GRM8: variants seen among roughly 807,000 people sequenced by gnomAD.
GRM8 encodes the protein metabotropic glutamate receptor 8.
GRM8 carries 47 observed loss-of-function variants against 87.2 expected under a neutral mutation model. The observed-to-expected ratio is 0.54, with a 90% CI of 0.43 to 0.69. The LOEUF (loss-of-function observed/expected upper bound fraction) is 0.69, where lower values mean the gene tolerates loss of function less well. Ranked by LOEUF, GRM8 falls within the 30% of genes least tolerant of loss-of-function variation. The probability of loss-of-function intolerance (pLI) is 0.00; values close to 1 mark genes in which losing one functional copy is unlikely to be tolerated. For synonymous variants in GRM8, 396 were observed against 404.5 expected (o/e 0.98, Z 0.25); for missense variants, 1,019 against 1,139.2 (o/e 0.89, Z 1.52).
intron 6 of GRM8, among the ~76,000 whole-genome samples, chr7:126,807,352 G>T (rs1792872621): frequency 6.6e-6 from 1 of 152,066 alleles, no homozygotes; most frequent in Admixed American, 6.5e-5. Context: ...GGAAAAAAAA[G>T]GAATAAGATT....
intron 6 of GRM8, among the ~76,000 whole-genome samples, chr7:126,805,296 T>C (rs539452136): frequency 6.6e-6 from 1 of 152,310 alleles, no homozygotes; most frequent in African/African-American, 2.4e-5. Flanking sequence ...TTAGCCTACC[T>C]TCAGCTTCCC....
intron 9 of GRM8, among the ~76,000 whole-genome samples, chr7:126,449,490 T>C (rs1802383827): frequency 1.3e-5 from 2 of 151,864 alleles, no homozygotes; most frequent in Non-Finnish European, 2.9e-5. Context: ...CAAAGTATCC[T>C]CCCAGGAGTA....
intron 7 of GRM8, among the ~76,000 whole-genome samples, chr7:126,633,784 C>CATATAAATATGTACT (rs1801588297): frequency 6.9e-6 from 1 of 145,858 alleles, no homozygotes; most frequent in Non-Finnish European, 1.5e-5. Context: ...TTATATGTAC[C>CATATAAATATGTACT]ATATAAATAT....
At chr7:126,749,959 A>C (rs1816223296) in intron 7 of GRM8, among the ~76,000 whole-genome samples, 1 of 152,160 alleles carries the variant, frequency 6.6e-6, no homozygotes, top group Non-Finnish European at 1.5e-5. Context: ...ATGTCTTCTT[A>C]CCATAGAATC....
At chr7:127,187,970 T>C (rs923341826) in intron 2 of GRM8, among the ~76,000 whole-genome samples, 7 of 152,218 alleles carry the variant, frequency 4.6e-5, no homozygotes, top group African/African-American at 1.7e-4. Flanking sequence ...TAACAATCTT[T>C]TTTGTGGTTG....
intron 3 of GRM8, among the ~76,000 whole-genome samples, chr7:126,966,590 T>C (rs1809892923): frequency 6.6e-6 from 1 of 152,196 alleles, no homozygotes; most frequent in Non-Finnish European, 1.5e-5. Context: ...TAAAGTGATA[T>C]ATGTATAATG....
At chr7:127,244,623 C>T (rs1798491236) in intron 1 of GRM8, among the ~76,000 whole-genome samples, 1 of 152,128 alleles carries the variant, frequency 6.6e-6, no homozygotes, top group Admixed American at 6.6e-5. Flanking sequence ...GGTTTGAAAC[C>T]TGAAATTTGG....
At chr7:126,603,296 A>C (rs1798006151) in intron 8 of GRM8, among the ~76,000 whole-genome samples, 1 of 144,456 alleles carries the variant, frequency 6.9e-6, no homozygotes, top group Non-Finnish European at 1.5e-5. Context: ...ATGGGCAAAA[A>C]CTGGAAGCAT....
intron 8 of GRM8, among the ~76,000 whole-genome samples, chr7:126,598,066 C>T (rs1312936354): frequency 6.6e-6 from 1 of 152,014 alleles, no homozygotes; most frequent in East Asian, 1.9e-4. Context: ...CTTCTTAATT[C>T]CCCTCCCCCA....
chr7:126,576,132 T>A (rs1033056384), intron 8 of GRM8, among the ~76,000 whole-genome samples: 3 of 152,208 alleles, frequency 2.0e-5, no homozygotes, highest in African/African-American at 7.2e-5. Context: ...CAGCATTATG[T>A]AATATTTAAA....
chr7:127,086,224 C>T (rs1823476914), intron 3 of GRM8, among the ~76,000 whole-genome samples: 1 of 152,082 alleles, frequency 6.6e-6, no homozygotes, highest in Non-Finnish European at 1.5e-5. Context: ...CCTCAGCGTC[C>T]CAAGTAGCTG....
intron 3 of GRM8, among the ~76,000 whole-genome samples, chr7:127,017,506 T>C (rs1257548927): frequency 6.6e-6 from 1 of 152,072 alleles, no homozygotes; most frequent in African/African-American, 2.4e-5. Flanking sequence ...TATAAATAAA[T>C]GATGTCACAA....
At chr7:127,199,927 GAT>G (rs1795496379) in intron 2 of GRM8, among the ~76,000 whole-genome samples, 1 of 152,148 alleles carries the variant, frequency 6.6e-6, no homozygotes, top group African/African-American at 2.4e-5. Context: ...TTTTTTTGCG[GAT>G]ATATGTCAAA....
intron 2 of GRM8, among the ~76,000 whole-genome samples, chr7:127,226,992 AT>A (rs1336907537): frequency 3.9e-5 from 6 of 152,248 alleles, no homozygotes; most frequent in Non-Finnish European, 7.3e-5. Context: ...AACAAAAGGT[AT>A]AAAAAGCTGT....
intron 6 of GRM8, among the ~76,000 whole-genome samples, chr7:126,798,650 G>T (rs184390059): frequency 5.3e-5 from 8 of 152,268 alleles, no homozygotes; most frequent in Admixed American, 5.2e-4. Context: ...GGCCTTTGTA[G>T]AAAATCAAAA....
At chr7:126,781,442 A>T (rs1017765584) in intron 6 of GRM8, among the ~76,000 whole-genome samples, 15 of 152,200 alleles carry the variant, frequency 9.9e-5, no homozygotes, top group African/African-American at 3.6e-4. Flanking sequence ...TCATCATTCA[A>T]CACTGACTTC....
At chr7:127,166,580 A>G (rs1004983575) in intron 2 of GRM8, among the ~76,000 whole-genome samples, 2 of 152,184 alleles carry the variant, frequency 1.3e-5, no homozygotes, top group Admixed American at 6.5e-5. Flanking sequence ...GAGCCAGGAA[A>G]GGCGGCGATG....
chr7:127,036,026 C>A (rs539663559), intron 3 of GRM8, among the ~76,000 whole-genome samples: 4 of 152,094 alleles, frequency 2.6e-5, no homozygotes. Flanking sequence ...AGTATTATTG[C>A]GTTTCACTCG....
In GRM8 at chr7:126,830,154, C is replaced by T. The variant is rs531168876; in HGVS notation, c.1157-60089G>A. 5.9e-3 allele frequency among the ~76,000 whole-genome samples: 901 copies of T among 152,280 alleles called. 5 individuals are homozygous for T. Among genetic ancestry groups the T allele is most frequent in the Non-Finnish European group, 7.3e-3 (497 of 68,028 alleles). On this transcript the variant is annotated intron_variant, in intron 6 of 10. Coordinates refer to ENST00000339582, the MANE Select transcript of GRM8 (RefSeq NM_000845.3). ...CTTAACATTTTTTCCTTCATTTCAACTTTGGTGAATCTGACAATTATGTGT... is the reference window on the plus strand; with the variant it reads ...CTTAACATTTTTTCCTTCATTTCAATTTTGGTGAATCTGACAATTATGTGT...
Sources: allele counts gnomAD v4.1 joint callset (sites outside exome capture counted in the v4.1 genomes callset), GRCh38; gene constraint gnomAD v4.1.1; transcripts MANE v1.5; gene names NCBI Gene and HGNC (gene_info 2026-07-23, HGNC 2026-07-21).